The following KCNIP4 variants were observed in gnomAD, a reference collection of about 807,000 sequenced individuals.
The protein encoded by KCNIP4 is potassium voltage-gated channel interacting protein 4.
In KCNIP4, 12 loss-of-function variants were observed where a neutral mutation model predicts 34.0. The ratio of observed to expected loss-of-function variants is 0.35; its 90% confidence interval spans 0.23 to 0.57. KCNIP4 has a LOEUF of 0.57. Ranked by LOEUF, KCNIP4 falls within the 20% of genes least tolerant of loss-of-function variation. The pLI, the probability that KCNIP4 is intolerant of heterozygous loss-of-function variation, is 0.83. For synonymous variants in KCNIP4, 124 were observed against 102.2 expected, an observed-to-expected ratio of 1.21 and a Z score of -1.29; for missense variants, 238 against 311.7, an observed-to-expected ratio of 0.76 and a Z score of 1.78.
intron 1 of KCNIP4, among the ~76,000 whole-genome samples, chr4:21,468,754 T>C (rs1460488): frequency 0.12 from 18,394 of 152,262 alleles, 1,276 homozygotes; most frequent in South Asian, 0.16. Context: ...TGAAACTGGC[T>C]GGCTGACAAA....
At chr4:21,692,397 C>G (rs1277563288) in intron 1 of KCNIP4, among the ~76,000 whole-genome samples, 2 of 152,056 alleles carry the variant, frequency 1.3e-5, no homozygotes, top group Non-Finnish European at 2.9e-5. Flanking sequence ...CCATGAATTC[C>G]CCACAAACGT....
intron 1 of KCNIP4, among the ~76,000 whole-genome samples, chr4:21,647,479 A>C (rs1288262789): frequency 2.0e-5 from 3 of 152,182 alleles, no homozygotes; most frequent in Non-Finnish European, 2.9e-5. Flanking sequence ...TATCATACAC[A>C]ATAATCCTCA....
intron 1 of KCNIP4, among the ~76,000 whole-genome samples, chr4:21,428,340 C>T (rs1374445368): frequency 6.6e-6 from 1 of 152,140 alleles, no homozygotes; most frequent in East Asian, 1.9e-4. Context: ...GTCCAGTAGG[C>T]TCATTAGACC....
intron 2 of KCNIP4, among the ~76,000 whole-genome samples, chr4:20,861,977 T>C (rs1722248197): frequency 7.1e-6 from 1 of 141,032 alleles, no homozygotes; most frequent in African/African-American, 2.8e-5. Context: ...GGAGTTATTA[T>C]TATTATTATT....
intron 1 of KCNIP4, among the ~76,000 whole-genome samples, chr4:20,914,741 G>T (rs1361404520): frequency 1.3e-5 from 2 of 152,278 alleles, no homozygotes; most frequent in South Asian, 2.1e-4. Context: ...CTATAGTCTG[G>T]TAATGATATC....
intron 1 of KCNIP4, among the ~76,000 whole-genome samples, chr4:20,917,046 TATATAA>T (rs1728919214): frequency 9.3e-6 from 1 of 107,458 alleles, no homozygotes; most frequent in African/African-American, 3.5e-5. Flanking sequence ...TATATATATA[TATATAA>T]AATTGAGATG....
intron 1 of KCNIP4, chr4:21,853,217 G>A (rs1724519949): frequency 6.6e-6 from 1 of 152,122 alleles, no homozygotes; most frequent in South Asian, 2.1e-4. Flanking sequence ...AGTAACATAA[G>A]GCAGCATTTG....
At chr4:21,547,342 T>C (rs937312555) in intron 1 of KCNIP4, among the ~76,000 whole-genome samples, 4 of 152,164 alleles carry the variant, frequency 2.6e-5, no homozygotes, top group Admixed American at 6.6e-5. Flanking sequence ...TACAGAATTA[T>C]GTTTAAATTT....
chr4:21,227,283 G>T (rs1161913653), intron 1 of KCNIP4, among the ~76,000 whole-genome samples: 1 of 152,126 alleles, frequency 6.6e-6, no homozygotes, highest in Non-Finnish European at 1.5e-5. Flanking sequence ...TATTTTGAAA[G>T]GAATCATGCT....
intron 1 of KCNIP4, among the ~76,000 whole-genome samples, chr4:21,611,432 A>G (rs2109146914): frequency 6.6e-6 from 1 of 152,150 alleles, no homozygotes; most frequent in Non-Finnish European, 1.5e-5. Context: ...CCATGATCCA[A>G]TCACCTCCCA....
chr4:21,622,291 G>A (rs963058272), intron 1 of KCNIP4, among the ~76,000 whole-genome samples: 1 of 151,950 alleles, frequency 6.6e-6, no homozygotes, highest in African/African-American at 2.4e-5. Context: ...AAGAAAAAAC[G>A]GGCCCTTCTG....
chr4:21,809,596 T>G (rs939838500), intron 1 of KCNIP4, among the ~76,000 whole-genome samples: 18 of 152,226 alleles, frequency 1.2e-4, no homozygotes, highest in African/African-American at 3.6e-4. Context: ...GGCTTCATCA[T>G]GCATACCTGG....
intron 1 of KCNIP4, among the ~76,000 whole-genome samples, chr4:20,902,412 C>T (rs1727248853): frequency 2.0e-5 from 3 of 152,128 alleles, no homozygotes; most frequent in Non-Finnish European, 4.4e-5. Flanking sequence ...CCACGGCATA[C>T]CCAGTTTAGT....
Position 21,398,974 on chromosome 4 carries a change from C to T in KCNIP4, c.62-516265G>A, listed in dbSNP as rs542909376. Among the ~76,000 whole-genome samples, 47 of 152,372 alleles carry T rather than the reference C, an allele frequency of 3.1e-4. 1 individual carries two copies. The South Asian group carries it at 9.1e-3, about 30-fold the overall frequency. On this transcript the variant is annotated intron_variant, in intron 1 of 8. Transcript: ENST00000382152. ...TAGGAATTAATGCCTACAATGACTACTGTCATCTCTTTCAAAATCTGTTTA... is the reference window on the plus strand; with the variant it reads ...TAGGAATTAATGCCTACAATGACTATTGTCATCTCTTTCAAAATCTGTTTA...
chr4:21,165,496 G>C (rs1577812658), intron 1 of KCNIP4, among the ~76,000 whole-genome samples: 1 of 120,090 alleles, frequency 8.3e-6, no homozygotes, highest in Non-Finnish European at 1.9e-5. Context: ...CTAAAAATTA[G>C]GTATTCAAAT....
intron 1 of KCNIP4, among the ~76,000 whole-genome samples, chr4:21,340,224 A>C (rs767144326): frequency 4.0e-5 from 6 of 151,176 alleles, no homozygotes; most frequent in Non-Finnish European, 2.9e-5. Context: ...GTAACTCTAC[A>C]AATTTATGAT....
chr4:20,842,760 A>G (rs1199492597), intron 3 of KCNIP4, among the ~76,000 whole-genome samples: 1 of 152,146 alleles, frequency 6.6e-6, no homozygotes, highest in Non-Finnish European at 1.5e-5. Flanking sequence ...GAGAGGTGAC[A>G]GTGACAGCAG....
chr4:20,885,608 G>A (rs958231321), intron 1 of KCNIP4, among the ~76,000 whole-genome samples: 1 of 152,034 alleles, frequency 6.6e-6, no homozygotes, highest in Non-Finnish European at 1.5e-5. Flanking sequence ...AGCTAGCTCT[G>A]TATGAATTAA....
chr4:21,605,110 G>A (rs1018458008), intron 1 of KCNIP4, among the ~76,000 whole-genome samples: 1 of 152,184 alleles, frequency 6.6e-6, no homozygotes, highest in African/African-American at 2.4e-5. Context: ...GTTGAAATGA[G>A]TAAAACTATT....
Sources: gnomAD v4.1 joint callset for allele counts (sites outside exome capture counted in the v4.1 genomes callset) on GRCh38, gnomAD v4.1.1 for gene constraint, MANE v1.5 for transcripts, NCBI Gene and HGNC (gene_info 2026-07-23, HGNC 2026-07-21) for gene names.